FRY: variants seen among roughly 807,000 people sequenced by gnomAD.
FRY encodes FRY microtubule binding protein.
In FRY, 128 loss-of-function variants were observed where a neutral mutation model predicts 348.4. The ratio of observed to expected loss-of-function variants is 0.37; its 90% confidence interval spans 0.32 to 0.43. The LOEUF is 0.43. Among genes scored for constraint, FRY ranks in the 20% least tolerant of loss-of-function variants. The pLI, the probability that FRY is intolerant of heterozygous loss-of-function variation, is 1.00. For missense variants in FRY, 2,736 were observed against 3,695.2 expected (o/e 0.74, Z 6.73); for synonymous variants, 1,370 against 1,374.7 (o/e 1.00, Z 0.08).
chr13:32,181,991 T>C (rs780079404), intron 23 of FRY, among the ~76,000 whole-genome samples: 2 of 152,178 alleles, frequency 1.3e-5, no homozygotes, highest in African/African-American at 4.8e-5. Flanking sequence ...AATGTCTGCA[T>C]TGGAGAAATC....
At chr13:32,176,910 A>T (rs1357885777) in intron 20 of FRY, among the ~76,000 whole-genome samples, 1 of 152,172 alleles carries the variant, frequency 6.6e-6, no homozygotes, top group African/African-American at 2.4e-5. Context: ...AATTCAATAC[A>T]CAGAGATTCT....
chr13:32,171,819 T>C (rs1882088679), intron 18 of FRY, among the ~76,000 whole-genome samples: 2 of 50,646 alleles, frequency 3.9e-5, no homozygotes, highest in Admixed American at 4.4e-4. Context: ...GAATAGAAAT[T>C]GGTTTTTTCA....
chr13:32,116,814 A>G (rs1018472207), intron 3 of FRY, among the ~76,000 whole-genome samples: 2 of 152,134 alleles, frequency 1.3e-5, no homozygotes, highest in African/African-American at 2.4e-5. Context: ...ATTGCTGCCC[A>G]TTTATATTTT....
intron 10 of FRY, among the ~76,000 whole-genome samples, chr13:32,135,666 T>G (rs1813065486): frequency 6.6e-6 from 1 of 152,136 alleles, no homozygotes; most frequent in East Asian, 1.9e-4. Context: ...TTGGGAAGGT[T>G]TCGGTACTGA....
intron 1 of FRY, among the ~76,000 whole-genome samples, chr13:32,072,864 T>C (rs1003191098): frequency 1.3e-5 from 2 of 152,234 alleles, no homozygotes; most frequent in African/African-American, 4.8e-5. Context: ...GAATAATTTA[T>C]GTACAACCAT....
At position 32,291,159 on chromosome 13, in the gene FRY, T is replaced by C. The variant is rs1427005273; in HGVS notation, c.8580+1416T>C. ...GGATGAAGCCTGGGAAACCTCACCG[T>C]CTAAGAGCAGAAGAGGAAGAGCCAC... On this transcript the variant is annotated intron_variant, in intron 59 of 60. Coordinates refer to ENST00000542859, the MANE Select transcript of FRY (RefSeq NM_023037.3). Among the ~76,000 whole-genome samples the C allele has an allele frequency of 2.6e-5, 4 of 151,936 alleles. No individual in the cohort carries two copies. The East Asian group carries it at 7.8e-4, about 30-fold the overall frequency.
At chr13:32,048,568 TACTA>T (rs929585890) in intron 1 of FRY, among the ~76,000 whole-genome samples, 4 of 152,242 alleles carry the variant, frequency 2.6e-5, no homozygotes, top group Admixed American at 2.6e-4. Flanking sequence ...TCTGTAAAAA[TACTA>T]ACTTTTTCCT....
At position 32,078,835 on chromosome 13, in the gene FRY, T is replaced by A. The variant is rs747765754; in HGVS notation, c.72T>A (p.Thr24=). ...AAGAATGCCCATTCTGTTTTTCAGCTTCTCCCGTTGGCAACGGTTACATCA... is the reference window on the plus strand; with the variant it reads ...AAGAATGCCCATTCTGTTTTTCAGCATCTCCCGTTGGCAACGGTTACATCA... The part of the protein sequence containing the change: ...IKYLLKSWSN[T]SPVGNGYIKP... Residue 24 remains threonine, a splice_region_variant and synonymous_variant, in exon 2 of 61, where the codon ACT becomes ACA. Coordinates refer to ENST00000542859, the MANE Select transcript of FRY (RefSeq NM_023037.3). The A allele has an allele frequency of 2.1e-5, 34 of 1,613,272 alleles. No individual in the cohort carries two copies. In the East Asian group the frequency reaches 7.6e-4, roughly 36 times the overall value.
chr13:32,111,891 CT>C (rs377392538), intron 3 of FRY, among the ~76,000 whole-genome samples: 17 of 152,268 alleles, frequency 1.1e-4, no homozygotes, highest in African/African-American at 4.1e-4. Flanking sequence ...GAGCTGTTGC[CT>C]GCAGCAAACT....
At chr13:32,136,706 G>C (rs924285953) in intron 10 of FRY, among the ~76,000 whole-genome samples, 165 bp from the exon 11 acceptor site, 1 of 152,182 alleles carries the variant, frequency 6.6e-6, no homozygotes, top group Non-Finnish European at 1.5e-5. Context: ...TGTGAAATGC[G>C]CGCCAGTGCC....
intron 1 of FRY, among the ~76,000 whole-genome samples, chr13:32,032,211 A>G (rs966285714): frequency 1.3e-5 from 2 of 152,128 alleles, no homozygotes; most frequent in African/African-American, 4.8e-5. Flanking sequence ...TCCTGGCTGC[A>G]TTTCCTGCCT....
In FRY at chr13:32,131,761, G is replaced by T. The variant is rs1247626504; in HGVS notation, c.806G>T (p.Ser269Ile). The T allele has an allele frequency of 2.5e-6, 4 of 1,611,098 alleles. No homozygotes were observed. The Admixed American group carries it at 5.0e-5, about 20-fold the overall frequency. The change falls in exon 8 of 61, where the codon AGC becomes ATC. Residue 269 changes from serine (S) to isoleucine (I), a missense_variant. Ser to Ile is a moderately radical substitution (Grantham distance 142, BLOSUM62 -2). Around this residue, in one of 9 missense-constraint regions of FRY, gnomAD observed 309 missense variants for 418.1 expected, o/e 0.74. Transcript: ENST00000542859. ...CCATATGTGGTTCAAAGCATTATCAGCTTAATAATGGGCATGAAATTCTTT... is the reference window on the plus strand; with the variant it reads ...CCATATGTGGTTCAAAGCATTATCATCTTAATAATGGGCATGAAATTCTTT... Reference protein sequence around the residue: ...QNPYVVQSIISLIMGMKFFRI... With the variant: ...QNPYVVQSIIILIMGMKFFRI...
intron 23 of FRY, 47 bp from the exon 24 acceptor site, chr13:32,182,930 T>C: frequency 8.5e-7 from 1 of 1,182,164 alleles, no homozygotes; most frequent in Non-Finnish European, 1.3e-6. Flanking sequence ...GTGACAAGTT[T>C]GGTGTCAAAA....
At chr13:32,250,027 C>T (rs1386187985) in intron 49 of FRY, among the ~76,000 whole-genome samples, 1 of 152,220 alleles carries the variant, frequency 6.6e-6, no homozygotes, top group African/African-American at 2.4e-5. Context: ...ATCCTTAGTT[C>T]TCCCAACCAA....
At chr13:32,204,923 G>T (rs1884265430) in intron 31 of FRY, among the ~76,000 whole-genome samples, 1 of 152,148 alleles carries the variant, frequency 6.6e-6, no homozygotes, top group African/African-American at 2.4e-5. Context: ...ATGCAATCAA[G>T]CCAAGCACAG....
Position 32,194,172 on chromosome 13 carries a change from C to T in FRY, c.3621C>T (p.Val1207=). Residue 1207 remains valine, a synonymous_variant, in exon 29 of 61, where the codon GTC becomes GTT. Coordinates refer to ENST00000542859, the MANE Select transcript of FRY (RefSeq NM_023037.3). ...RVHQLGCEVV[V]LLLELNPDQI... The stretch of plus-strand genomic sequence containing the variant: ...ATCAACTTGGCTGCGAAGTTGTTGT[C>T]TTGCTACTGGAACTTAATCCTGACC... 1 of 1,614,044 alleles carries T rather than the reference C, an allele frequency of 6.2e-7. No individual in the cohort carries two copies. Among genetic ancestry groups the T allele is most frequent in the Non-Finnish European group, 8.5e-7 (1 of 1,179,912 alleles).
rs1471843714 is a variant in FRY, at chr13:32,157,389, C to G, written c.1768C>G (p.Pro590Ala). 6.2e-7 allele frequency: 1 copy of G among 1,613,410 alleles called. No individual in the cohort carries two copies. The highest frequency in any genetic ancestry group is 1.7e-5 in the Admixed American group (1 of 59,996). ...TAATGTACAGATGTTAAACAAAGAA[C>G]CGGAAGACATGATCACGTGAGTACA... ...LTNVQMLNKE[P>A]EDMITGERKP... The change falls in exon 16 of 61, where the codon CCG becomes GCG. Residue 590 changes from proline (P) to alanine (A), a missense_variant. Coordinates refer to ENST00000542859, the MANE Select transcript of FRY (RefSeq NM_023037.3).
intron 14 of FRY, among the ~76,000 whole-genome samples, chr13:32,153,125 T>C (rs919194566): frequency 6.6e-6 from 1 of 152,168 alleles, no homozygotes; most frequent in African/African-American, 2.4e-5. Flanking sequence ...TACAACCACT[T>C]TAGAAAAATT....
chr13:32,120,642 C>T (rs373640797), intron 4 of FRY, among the ~76,000 whole-genome samples: 2 of 152,030 alleles, frequency 1.3e-5, no homozygotes, highest in Admixed American at 6.6e-5. Context: ...CCCAAGTCCC[C>T]GAAGTCCATT....
Sources: allele counts gnomAD v4.1 joint callset (sites outside exome capture counted in the v4.1 genomes callset), GRCh38; gene constraint gnomAD v4.1.1; regional missense constraint gnomAD v4.1.1; transcripts MANE v1.5; gene names NCBI Gene and HGNC (gene_info 2026-07-23, HGNC 2026-07-21).